Variants in SNAP91 observed in about 807,000 individuals in gnomAD.
SNAP91 encodes the protein synaptosome associated protein 91.
A neutral mutation model predicts 100.3 loss-of-function variants in SNAP91; 27 were observed. That is an observed-to-expected ratio of 0.27 (90% CI 0.20 to 0.37). The LOEUF is 0.37. SNAP91 is among the 10% of genes least tolerant of loss of function. The pLI, the probability that SNAP91 is intolerant of heterozygous loss-of-function variation, is 1.00. For synonymous variants in SNAP91, 404 were observed against 398.6 expected (o/e 1.01, Z -0.16); for missense variants, 986 against 1,123.7 (o/e 0.88, Z 1.75).
chr6:83,658,304 G>A (rs1384400954), intron 6 of SNAP91, among the ~76,000 whole-genome samples: 1 of 152,080 alleles, frequency 6.6e-6, no homozygotes, highest in Non-Finnish European at 1.5e-5. Context: ...TGTCATTTAA[G>A]CAATCTGCAT....
chr6:83,634,547 C>A (rs562623972), intron 8 of SNAP91, among the ~76,000 whole-genome samples: 1 of 152,066 alleles, frequency 6.6e-6, no homozygotes, highest in East Asian at 1.9e-4. Flanking sequence ...ATTCACAATG[C>A]GAGCCTCCAT....
chr6:83,561,091 G>A, intron 26 of SNAP91, 144 bp from the exon 27 acceptor site: 1 of 589,720 alleles, frequency 1.7e-6, no homozygotes, highest in Non-Finnish European at 2.9e-6. Flanking sequence ...TGCCCAGGCT[G>A]GAGTACGATG....
chr6:83,591,989 C>T (rs1224488794), intron 21 of SNAP91, among the ~76,000 whole-genome samples: 1 of 152,204 alleles, frequency 6.6e-6, no homozygotes, highest in African/African-American at 2.4e-5. Flanking sequence ...GATAGCAAAA[C>T]ATTATAAATA....
At chr6:83,576,730 C>T (rs1018430839) in intron 24 of SNAP91, among the ~76,000 whole-genome samples, 4 of 152,180 alleles carry the variant, frequency 2.6e-5, no homozygotes, top group Admixed American at 6.5e-5. Flanking sequence ...CCTCTGCTTC[C>T]GTAATAAATC....
At chr6:83,587,236 C>T (rs2092847884) in intron 22 of SNAP91, among the ~76,000 whole-genome samples, 1 of 151,982 alleles carries the variant, frequency 6.6e-6, no homozygotes, top group Admixed American at 6.6e-5. Flanking sequence ...CTTTATGATT[C>T]ACATGTAAAT....
intron 17 of SNAP91, among the ~76,000 whole-genome samples, 180 bp downstream of exon 17, chr6:83,594,194 G>T (rs948273521): frequency 2.3e-4 from 35 of 152,210 alleles, no homozygotes; most frequent in African/African-American, 7.9e-4. Flanking sequence ...TGTCAATTTT[G>T]ATAAGTATGT....
chr6:83,688,283 A>G (rs2099087164), intron 2 of SNAP91, among the ~76,000 whole-genome samples: 1 of 152,176 alleles, frequency 6.6e-6, no homozygotes, highest in Non-Finnish European at 1.5e-5. Context: ...TAACCAGTGT[A>G]TATTTGTAAA....
chr6:83,656,293 G>A (rs562509134), intron 7 of SNAP91, among the ~76,000 whole-genome samples: 6 of 152,192 alleles, frequency 3.9e-5, no homozygotes, highest in African/African-American at 1.2e-4. Flanking sequence ...CTAATCAGAG[G>A]GCGGCTAAGA....
In SNAP91 at chr6:83,708,955, CAA is replaced by C. The variant is rs2099417527; in HGVS notation, c.-143_-142del. On this transcript the variant is annotated 5_prime_UTR_variant, in exon 1 of 30. Coordinates refer to ENST00000369694, the MANE Select transcript of SNAP91 (RefSeq NM_001242792.2). ...CGCGTAGCCCCGGTGCCCCCGGGCG[CAA>C]AGTCTCCAGCCCTGGCCGGGCCCCG... 1 of 152,056 alleles carries C rather than the reference CAA, an allele frequency of 6.6e-6. No homozygotes were observed. Among genetic ancestry groups the C allele is most frequent in the African/African-American group, 2.4e-5 (1 of 41,502 alleles). The allele number at this position is 152,056 out of a possible 1,614,324, so 9.4% of individuals were successfully genotyped here.
In SNAP91 at chr6:83,686,028, T is replaced by C. The variant is rs561267120; in HGVS notation, c.131-20447A>G. 8.4e-5 allele frequency: 22 copies of C among 260,384 alleles called. No individual in the cohort carries two copies. In the South Asian group the frequency reaches 2.9e-3, roughly 34 times the overall value. The allele number at this position is 260,384 out of a possible 1,614,324, so 16.1% of individuals were successfully genotyped here. A position where few individuals can be genotyped will look rare whatever the true frequency, so the allele number is the denominator to read the frequency against. On this transcript the variant is annotated intron_variant, in intron 2 of 29. Coordinates refer to ENST00000369694, the MANE Select transcript of SNAP91 (RefSeq NM_001242792.2). ...GCTCTACAAGGAAAGCATTTTCAGC[T>C]GTTTGGTTCATTAAGGTACCCCAAG...
chr6:83,615,120 T>G (rs1029661627), intron 10 of SNAP91, among the ~76,000 whole-genome samples: 1 of 151,380 alleles, frequency 6.6e-6, no homozygotes, highest in Non-Finnish European at 1.5e-5. Context: ...TCCATAGCTA[T>G]TTTTTTTTCC....
At chr6:83,564,324 C>T (rs1793326188) in intron 26 of SNAP91, among the ~76,000 whole-genome samples, 1 of 147,640 alleles carries the variant, frequency 6.8e-6, no homozygotes. Flanking sequence ...TCCTTTCTTT[C>T]TTTCTCTTTT....
chr6:83,579,964 A>G (rs1433017015), intron 24 of SNAP91, among the ~76,000 whole-genome samples: 1 of 152,230 alleles, frequency 6.6e-6, no homozygotes, highest in South Asian at 2.1e-4. Context: ...CCTAAGTGCC[A>G]TAAGTACAGA....
At chr6:83,596,332 G>A (rs144898440) in intron 16 of SNAP91, among the ~76,000 whole-genome samples, 221 of 152,264 alleles carry the variant, frequency 1.5e-3, no homozygotes, top group Middle Eastern at 3.4e-3. Flanking sequence ...CCATGTTAAA[G>A]ATACTATACT....
chr6:83,590,806 A>G (rs995853743), intron 22 of SNAP91, among the ~76,000 whole-genome samples: 1 of 152,232 alleles, frequency 6.6e-6, no homozygotes, highest in Non-Finnish European at 1.5e-5. Context: ...GCAGATTTGG[A>G]GCATACAAGA....
chr6:83,564,042 C>G (rs1354787533), intron 26 of SNAP91, among the ~76,000 whole-genome samples: 1 of 151,888 alleles, frequency 6.6e-6, no homozygotes, highest in Admixed American at 6.6e-5. Flanking sequence ...ACCAGGATAG[C>G]CAAAACAGTT....
rs1209078549 is a variant in SNAP91, at chr6:83,553,393, CAGTAA to C, written c.*898_*902del. The C allele has an allele frequency of 1.3e-5, 2 of 152,254 alleles. No individual in the cohort carries two copies. Among genetic ancestry groups the C allele is most frequent in the East Asian group, 1.9e-4 (1 of 5,178 alleles). The allele number at this position is 152,254 out of a possible 1,614,324, so 9.4% of individuals were successfully genotyped here. A position where few individuals can be genotyped will look rare whatever the true frequency, so the allele number is the denominator to read the frequency against. On this transcript the variant is annotated 3_prime_UTR_variant, in exon 30 of 30. Coordinates refer to ENST00000369694, the MANE Select transcript of SNAP91 (RefSeq NM_001242792.2). The stretch of plus-strand genomic sequence containing the variant: ...AATTAACAGATGTACTAAAAACCCA[CAGTAA>C]AGTAAAGATATTTGCAGTAATCTTT...
intron 2 of SNAP91, among the ~76,000 whole-genome samples, chr6:83,677,704 T>C (rs899602281): frequency 6.6e-6 from 1 of 152,320 alleles, no homozygotes; most frequent in Non-Finnish European, 1.5e-5. Flanking sequence ...GTAGAAATAA[T>C]ACATGCATGC....
intron 8 of SNAP91, among the ~76,000 whole-genome samples, chr6:83,639,794 C>A: frequency 6.6e-6 from 1 of 152,012 alleles, no homozygotes; most frequent in Non-Finnish European, 1.5e-5. Context: ...GAATGTACAC[C>A]AAGATTTAAT....
Sources: allele counts gnomAD v4.1 joint callset (sites outside exome capture counted in the v4.1 genomes callset), GRCh38; gene constraint gnomAD v4.1.1; transcripts MANE v1.5; gene names NCBI Gene and HGNC (gene_info 2026-07-23, HGNC 2026-07-21).